PCDHA2: variants seen among roughly 807,000 people sequenced by gnomAD.
PCDHA2 encodes the protein protocadherin alpha-2.
Under a neutral mutation model 66.0 loss-of-function variants are expected in PCDHA2, and 58 were observed. The ratio of observed to expected loss-of-function variants is 0.88; its 90% CI spans 0.71 to 1.09. PCDHA2 has a LOEUF of 1.09. PCDHA2 is among the 50% of genes least tolerant of loss of function. PCDHA2 has a pLI of 0.00. For synonymous variants in PCDHA2, 634 were observed against 554.0 expected, an observed-to-expected ratio of 1.14 and a Z score of -2.03; for missense variants, 1,267 against 1,242.3, an observed-to-expected ratio of 1.02 and a Z score of -0.30.
intron 1 of PCDHA2, among the ~76,000 whole-genome samples, chr5:140,889,104 T>C (rs2062103050): frequency 6.6e-6 from 1 of 151,956 alleles, no homozygotes; most frequent in Admixed American, 6.6e-5. Flanking sequence ...TTTTTCATCT[T>C]TATTCCAGGT....
chr5:140,843,572 T>C, intron 1 of PCDHA2: 2 of 1,595,854 alleles, frequency 1.3e-6, no homozygotes, highest in Non-Finnish European at 1.7e-6. Context: ...CTGGTCATAC[T>C]CGCAACAACA....
intron 3 of PCDHA2, among the ~76,000 whole-genome samples, chr5:140,998,018 G>A (rs575495303): frequency 2.0e-5 from 3 of 152,170 alleles, no homozygotes; most frequent in Admixed American, 6.5e-5. Flanking sequence ...TCCCCACCTC[G>A]AGCTAGTGCT....
chr5:140,854,800 A>G (rs1032685213), intron 1 of PCDHA2: 4 of 149,738 alleles, frequency 2.7e-5, no homozygotes, highest in African/African-American at 9.8e-5. Flanking sequence ...GAGAGAAAAA[A>G]ATATTTTTAC....
intron 1 of PCDHA2, chr5:140,877,279 T>G (rs782432213): frequency 1.2e-6 from 2 of 1,613,820 alleles, no homozygotes; most frequent in Non-Finnish European, 1.7e-6. Flanking sequence ...TGACTCCGGC[T>G]ATAACGCTTG....
At chr5:140,871,224 C>G (rs1554165289) in intron 1 of PCDHA2, 3 of 1,613,902 alleles carry the variant, frequency 1.9e-6, no homozygotes. Context: ...GCGTGGTGTC[C>G]AGCCTCCTGG....
intron 1 of PCDHA2, chr5:140,825,152 A>C (rs1554130155): frequency 1.3e-5 from 2 of 151,900 alleles, no homozygotes; most frequent in East Asian, 1.9e-4. Context: ...TATTGATTTT[A>C]ATCTTGCTTT....
intron 1 of PCDHA2, chr5:140,802,492 C>T: frequency 1.2e-6 from 2 of 1,614,136 alleles, no homozygotes; most frequent in Non-Finnish European, 8.5e-7. Context: ...GACGGGGGCT[C>T]GCCTTCACTG....
rs1285443769 is a variant in PCDHA2, at chr5:141,010,273, G to A, written c.*336G>A. 3.9e-6 allele frequency: 6 copies of A among 1,551,420 alleles called. No individual in the cohort carries two copies. The African/African-American group carries it at 8.2e-5, about 21-fold the overall frequency. Reference sequence around the variant, plus strand: ...CTCTGCCCTGTGCTCCGGGGATCCTGTCTTGATGACACTTGCAGGGCAGGC... The same window carrying A: ...CTCTGCCCTGTGCTCCGGGGATCCTATCTTGATGACACTTGCAGGGCAGGC... On this transcript the variant is annotated 3_prime_UTR_variant, in exon 4 of 4. Coordinates refer to ENST00000526136, the MANE Select transcript of PCDHA2 (RefSeq NM_018905.3).
chr5:140,871,716 C>G (rs1315028077), intron 1 of PCDHA2: 6 of 796,846 alleles, frequency 7.5e-6, no homozygotes, highest in Non-Finnish European at 1.1e-5. Flanking sequence ...TGTCCTATTT[C>G]TCTTAATATT....
At chr5:140,855,488 C>T (rs569322371) in intron 1 of PCDHA2, among the ~76,000 whole-genome samples, 1 of 149,546 alleles carries the variant, frequency 6.7e-6, no homozygotes. Flanking sequence ...ACATTAGTGT[C>T]TAAATAAACC....
chr5:140,924,872 G>A (rs1161649938), intron 1 of PCDHA2, among the ~76,000 whole-genome samples: 2 of 149,350 alleles, frequency 1.3e-5, no homozygotes, highest in South Asian at 2.1e-4. Context: ...TCCAGCCTGG[G>A]TGACAGAGCA....
intron 1 of PCDHA2, chr5:140,803,074 T>C (rs1346757216): frequency 6.2e-7 from 1 of 1,613,948 alleles, no homozygotes; most frequent in Middle Eastern, 1.6e-4. Flanking sequence ...CGCGTGGGGC[T>C]GTACACGGGA....
At position 141,011,314 on chromosome 5, in the gene PCDHA2, T is replaced by G. The variant is rs1269900647; in HGVS notation, c.*1377T>G. 2.0e-5 allele frequency: 3 copies of G among 153,782 alleles called. No homozygotes were observed. Among genetic ancestry groups the G allele is most frequent in the Non-Finnish European group, 4.4e-5 (3 of 68,040 alleles). 9.5% of individuals were successfully genotyped at this position (153,782 alleles called of 1,614,324 possible). On this transcript the variant is annotated 3_prime_UTR_variant, in exon 4 of 4. Coordinates refer to ENST00000526136, the MANE Select transcript of PCDHA2 (RefSeq NM_018905.3). ...CTATAACACTCTGAATTGCTAATCT[T>G]ACTAACACCTATGATGTTACCTGAA...
chr5:140,843,136 G>A lies in PCDHA2; in HGVS notation c.2388+45784G>A, dbSNP rs2150353697. 16 of 1,596,026 alleles carry A rather than the reference G, an allele frequency of 1.0e-5. 4 individuals are homozygous for A. Among genetic ancestry groups the A allele is most frequent in the South Asian group, 2.2e-5 (2 of 90,518 alleles). ...TGGACGCCGACTCGGGCTACAACGCGTGGCTTTCGTATGAGCTGCAGCCAG... is the reference window on the plus strand; with the variant it reads ...TGGACGCCGACTCGGGCTACAACGCATGGCTTTCGTATGAGCTGCAGCCAG... On this transcript the variant is annotated intron_variant, in intron 1 of 3. Transcript: ENST00000526136.
intron 1 of PCDHA2, among the ~76,000 whole-genome samples, chr5:140,960,767 G>A (rs1160174091): frequency 1.3e-5 from 2 of 152,036 alleles, no homozygotes; most frequent in Admixed American, 6.6e-5. Context: ...GAGTTACAGA[G>A]GAGAAATAGG....
chr5:140,968,951 A>G, intron 1 of PCDHA2: 4 of 1,614,228 alleles, frequency 2.5e-6, no homozygotes, highest in Non-Finnish European at 3.4e-6. Context: ...TTTGAGCATC[A>G]TCAAGTGCTA....
At chr5:140,924,901 AAAAATAAAAT>A (rs10667761) in intron 1 of PCDHA2, among the ~76,000 whole-genome samples, 1,500 of 80,408 alleles carry the variant, frequency 0.019, 14 homozygotes, top group African/African-American at 0.052. Context: ...TCTCAAAAAA[AAAAATAAAAT>A]AAAATAAAAT....
In PCDHA2 at chr5:140,986,535, G is replaced by A. The variant is rs552843991; in HGVS notation, c.2536+3972G>A. Among the ~76,000 whole-genome samples, 134 of 152,300 alleles carry A rather than the reference G, an allele frequency of 8.8e-4. 1 individual carries two copies. Among genetic ancestry groups the A allele is most frequent in the Non-Finnish European group, 1.4e-3 (98 of 68,024 alleles). Reference sequence around the variant, plus strand: ...CCCTGCCTGTGAGGGAACTGGCCTGGCTTCAGTGGGCCAGGCTGCTTTGTT... The same window carrying A: ...CCCTGCCTGTGAGGGAACTGGCCTGACTTCAGTGGGCCAGGCTGCTTTGTT... On this transcript the variant is annotated intron_variant, in intron 3 of 3. Transcript: ENST00000526136.
At chr5:140,991,847 G>A (rs1375292594) in intron 3 of PCDHA2, among the ~76,000 whole-genome samples, 1 of 152,162 alleles carries the variant, frequency 6.6e-6, no homozygotes, top group African/African-American at 2.4e-5. Flanking sequence ...CGCACTTCCA[G>A]ATACCAAAAT....
Sources: allele counts gnomAD v4.1 joint callset (sites outside exome capture counted in the v4.1 genomes callset), GRCh38; gene constraint gnomAD v4.1.1; transcripts MANE v1.5; gene names NCBI Gene and HGNC (gene_info 2026-07-23, HGNC 2026-07-21).